NOL4L: variants seen among roughly 807,000 people sequenced by gnomAD.
NOL4L encodes the protein nucleolar protein 4 like.
A neutral mutation model predicts 64.5 loss-of-function variants in NOL4L; 7 were observed. The ratio of observed to expected loss-of-function variants is 0.11; its 90% confidence interval spans 0.06 to 0.20. The LOEUF (loss-of-function observed/expected upper bound fraction) is 0.20, where lower values mean the gene tolerates loss of function less well. NOL4L is among the 10% of genes least tolerant of loss of function. The probability of loss-of-function intolerance (pLI) is 1.00; values close to 1 mark genes in which losing one functional copy is unlikely to be tolerated. For missense variants in NOL4L, 680 were observed against 967.1 expected, an observed-to-expected ratio of 0.70 and a Z score of 3.94; for synonymous variants, 413 against 401.0, an observed-to-expected ratio of 1.03 and a Z score of -0.36.
chr20:32,487,383 G>T (rs1012330639), intron 4 of NOL4L, among the ~76,000 whole-genome samples: 1 of 150,176 alleles, frequency 6.7e-6, no homozygotes, highest in African/African-American at 2.5e-5. Flanking sequence ...GAGGATGGGG[G>T]TGGAATGAGG....
chr20:32,475,894 C>A (rs1476451890), intron 4 of NOL4L, among the ~76,000 whole-genome samples: 1 of 152,124 alleles, frequency 6.6e-6, no homozygotes, highest in Non-Finnish European at 1.5e-5. Flanking sequence ...AGTGTGGATT[C>A]GCCTCCACTC....
intron 1 of NOL4L, among the ~76,000 whole-genome samples, chr20:32,575,959 G>T (rs2145623976): frequency 6.6e-6 from 1 of 152,356 alleles, no homozygotes; most frequent in Non-Finnish European, 1.5e-5. Flanking sequence ...GAAGGCCAGT[G>T]CAAGGGGCCT....
intron 1 of NOL4L, 93 bp from the exon 2 acceptor site, chr20:32,528,006 A>G (rs1200483331): frequency 1.8e-6 from 1 of 561,760 alleles, no homozygotes; most frequent in Non-Finnish European, 2.9e-6. Flanking sequence ...AGGACGGGCA[A>G]TGCCTCCGAC....
intron 1 of NOL4L, among the ~76,000 whole-genome samples, chr20:32,566,376 G>C (rs764660810): frequency 1.1e-4 from 16 of 152,206 alleles, no homozygotes; most frequent in Admixed American, 3.3e-4. Context: ...GCACTTTTAA[G>C]ATATGGGCAG....
chr20:32,552,665 C>T (rs146103665), intron 1 of NOL4L, among the ~76,000 whole-genome samples: 10 of 151,530 alleles, frequency 6.6e-5, no homozygotes, highest in African/African-American at 1.5e-4. Flanking sequence ...CCAGCCTGGG[C>T]GACAAGAGAG....
chr20:32,477,396 C>T (rs2015461189), intron 4 of NOL4L, among the ~76,000 whole-genome samples: 1 of 152,230 alleles, frequency 6.6e-6, no homozygotes, highest in Non-Finnish European at 1.5e-5. Context: ...AGTTGGCCCT[C>T]GCCTAGAACC....
chr20:32,552,952 AAGATTACTCACTGGCCCTCAGCC>A (rs1417839671), intron 1 of NOL4L, among the ~76,000 whole-genome samples: 1 of 152,156 alleles, frequency 6.6e-6, no homozygotes, highest in East Asian at 1.9e-4. Flanking sequence ...GCAGGAAGCT[AAGATTACTCACTGGCCCTCAGCC>A]AGAGGATGAG....
chr20:32,475,063 T>C (rs1199104263), intron 4 of NOL4L: 1 of 985,286 alleles, frequency 1.0e-6, no homozygotes, highest in Non-Finnish European at 1.2e-6. Context: ...ACAAGCGCTG[T>C]AAACAAGGGC....
chr20:32,452,876 G>C lies in NOL4L; in HGVS notation c.1620+8C>G, dbSNP rs1444091801. On this transcript the variant is annotated splice_region_variant and intron_variant, in intron 9 of 10. Transcript: ENST00000621426. The stretch of plus-strand genomic sequence containing the variant: ...AGCGGCCCCTGTAGTGGCTGCGGTG[G>C]CAGGTACCTGTGAGGACTGGTAGAT... 39 of 1,613,604 alleles carry C rather than the reference G, an allele frequency of 2.4e-5. No individual in the cohort carries two copies. Among genetic ancestry groups the C allele is most frequent in the Non-Finnish European group, 3.3e-5 (39 of 1,179,860 alleles).
chr20:32,481,974 G>GA (rs72489839), intron 4 of NOL4L, among the ~76,000 whole-genome samples: 1 of 148,182 alleles, frequency 6.7e-6, no homozygotes, highest in East Asian at 2.0e-4. Flanking sequence ...CGGGGGGGGG[G>GA]GAGCAGGCTG....
At chr20:32,511,138 T>A in intron 4 of NOL4L, 1 of 432,774 alleles carries the variant, frequency 2.3e-6, no homozygotes, top group Non-Finnish European at 4.2e-6. Flanking sequence ...CCTGAAGACC[T>A]GCAGGGCTGT....
At chr20:32,471,187 C>A (rs535440041) in intron 5 of NOL4L, among the ~76,000 whole-genome samples, 6 of 151,656 alleles carry the variant, frequency 4.0e-5, no homozygotes, top group African/African-American at 1.5e-4. Flanking sequence ...CTGTGGCACC[C>A]GCACAACTCA....
chr20:32,559,759 C>A (rs1978885138), intron 1 of NOL4L, among the ~76,000 whole-genome samples: 1 of 152,226 alleles, frequency 6.6e-6, no homozygotes, highest in Non-Finnish European at 1.5e-5. Flanking sequence ...GTAACGGGCC[C>A]CAGAAGGACA....
chr20:32,473,160 G>A (rs1472248590), intron 5 of NOL4L, among the ~76,000 whole-genome samples: 1 of 152,170 alleles, frequency 6.6e-6, no homozygotes. Context: ...GGGGACCATG[G>A]TCCCTTCAGC....
At chr20:32,509,762 G>C (rs1262010009) in intron 4 of NOL4L, 21 of 1,280,998 alleles carry the variant, frequency 1.6e-5, no homozygotes, top group Middle Eastern at 2.7e-4. Context: ...CAACTTGCAC[G>C]ACACTGACCA....
Position 32,443,778 on chromosome 20 carries a change from G to T in NOL4L, c.*3818C>A, listed in dbSNP as rs981504147. On this transcript the variant is annotated 3_prime_UTR_variant, in exon 11 of 11. Transcript: ENST00000621426. ...GACCTTCCCACTCCCAGGCTGCCCA[G>T]GGAAGAACTACATTCATCCCACAGC... 7.0e-6 allele frequency: 1 copy of T among 142,450 alleles called. No homozygotes were observed. The highest frequency in any genetic ancestry group is 1.5e-5 in the Non-Finnish European group (1 of 66,040). 8.8% of individuals were successfully genotyped at this position (142,450 alleles called of 1,614,324 possible).
chr20:32,536,373 G>C (rs1374416476), intron 1 of NOL4L: 1 of 949,088 alleles, frequency 1.1e-6, no homozygotes, highest in East Asian at 1.2e-4. Context: ...CCCAGGGCCG[G>C]GGGAAGAGGT....
At chr20:32,529,153 G>A (rs758842123) in intron 1 of NOL4L, among the ~76,000 whole-genome samples, 19 of 152,138 alleles carry the variant, frequency 1.2e-4, no homozygotes, top group Non-Finnish European at 2.4e-4. Context: ...GTTTGAATAC[G>A]GCCCCATCAT....
In NOL4L at chr20:32,555,004, CTG is replaced by C. The variant is rs149159933; in HGVS notation, c.322-27093_322-27092del. Among the ~76,000 whole-genome samples, 1,355 of 152,258 alleles carry C rather than the reference CTG, an allele frequency of 8.9e-3. 16 individuals carry two copies. Among genetic ancestry groups the C allele is most frequent in the African/African-American group, 0.032 (1,312 of 41,550 alleles). ...GTAACAAAGCAATGGAGCAGCCAAA[CTG>C]GGATGTGGCCTCCTTGGCCTCCTCT... is the stretch of plus-strand genomic sequence containing the variant. On this transcript the variant is annotated intron_variant, in intron 1 of 10. Coordinates refer to ENST00000621426, the MANE Select transcript of NOL4L (RefSeq NM_001256798.2).
Sources: gnomAD v4.1 joint callset for allele counts (sites outside exome capture counted in the v4.1 genomes callset) on GRCh38, gnomAD v4.1.1 for gene constraint, MANE v1.5 for transcripts, NCBI Gene and HGNC (gene_info 2026-07-23, HGNC 2026-07-21) for gene names.